Variants in FBXL7 observed in about 807,000 individuals in gnomAD.
FBXL7 encodes the protein F-box/LRR-repeat protein 7.
FBXL7 carries 12 observed loss-of-function variants against 38.3 expected under a neutral mutation model. That is an observed-to-expected ratio of 0.31 (90% CI 0.20 to 0.51). The LOEUF is 0.51. Among genes scored for constraint, FBXL7 ranks in the 20% least tolerant of loss-of-function variants. The pLI is 0.98. For synonymous variants in FBXL7, 297 were observed against 300.9 expected, an observed-to-expected ratio of 0.99 and a Z score of 0.13; for missense variants, 567 against 676.4, an observed-to-expected ratio of 0.84 and a Z score of 1.79.
rs1005171939 is a variant in FBXL7 at position 15,706,968 on chromosome 5, A to C, written c.127+90896A>C. Among the ~76,000 whole-genome samples the C allele has an allele frequency of 1.5e-3, 222 of 151,964 alleles. 1 individual carries two copies. Among genetic ancestry groups the C allele is most frequent in the Non-Finnish European group, 1.9e-4 (13 of 67,992 alleles). ...GAAAAGGGCCTAACTAATGATATGAAAGTCTCCAGTATGTTGATGGACAGC... is the reference window on the plus strand; with the variant it reads ...GAAAAGGGCCTAACTAATGATATGACAGTCTCCAGTATGTTGATGGACAGC... On this transcript the variant is annotated intron_variant, in intron 2 of 3. Transcript: ENST00000504595.
chr5:15,868,933 C>T lies in FBXL7; in HGVS notation c.128-58957C>T, dbSNP rs1281467660. ...AACTATCGCTGTGTAACAAATCACC[C>T]CAAAACTAAGGGACTTCAAACAATA... On this transcript the variant is annotated intron_variant, in intron 2 of 3. Coordinates refer to ENST00000504595, the MANE Select transcript of FBXL7 (RefSeq NM_012304.5). Among the ~76,000 whole-genome samples the T allele has an allele frequency of 7.2e-5, 11 of 152,222 alleles. No homozygotes were observed. The South Asian group carries it at 1.7e-3, about 23-fold the overall frequency.
intron 1 of FBXL7, among the ~76,000 whole-genome samples, chr5:15,521,331 A>G (rs1737091249): frequency 6.6e-6 from 1 of 152,252 alleles, no homozygotes; most frequent in Non-Finnish European, 1.5e-5. Flanking sequence ...TGATCTTAGA[A>G]GCATGACTGG....
chr5:15,894,449 T>C (rs955618684), intron 2 of FBXL7, among the ~76,000 whole-genome samples: 5 of 152,250 alleles, frequency 3.3e-5, no homozygotes, highest in Non-Finnish European at 5.9e-5. Context: ...ATGAGACTTA[T>C]CTAACCAAAT....
intron 1 of FBXL7, among the ~76,000 whole-genome samples, chr5:15,598,300 T>A (rs1345143923): frequency 6.6e-6 from 1 of 152,172 alleles, no homozygotes; most frequent in Non-Finnish European, 1.5e-5. Flanking sequence ...AACATTACAA[T>A]CCATCACTCT....
intron 2 of FBXL7, among the ~76,000 whole-genome samples, chr5:15,803,478 A>G (rs1325089012): frequency 6.6e-6 from 1 of 152,200 alleles, no homozygotes; most frequent in African/African-American, 2.4e-5. Flanking sequence ...GATTGAAATT[A>G]CATATTATGC....
chr5:15,549,001 T>C (rs1028271410), intron 1 of FBXL7, among the ~76,000 whole-genome samples: 1 of 152,184 alleles, frequency 6.6e-6, no homozygotes. Flanking sequence ...GGTAAAGATC[T>C]TGCCAGGTCA....
At chr5:15,594,330 GA>G (rs1739558862) in intron 1 of FBXL7, among the ~76,000 whole-genome samples, 1 of 152,218 alleles carries the variant, frequency 6.6e-6, no homozygotes, top group East Asian at 1.9e-4. Context: ...CATTTGAAAA[GA>G]AAACAGTTGA....
chr5:15,580,529 C>G (rs545796202), intron 1 of FBXL7: 1 of 685,392 alleles, frequency 1.5e-6, no homozygotes, highest in African/African-American at 1.9e-5. Context: ...GTTTTAGTCT[C>G]TGTTCCTGGA....
intron 1 of FBXL7, among the ~76,000 whole-genome samples, chr5:15,556,217 A>G (rs1316044688): frequency 6.6e-6 from 1 of 151,972 alleles, no homozygotes; most frequent in Non-Finnish European, 1.5e-5. Flanking sequence ...TGGGAGTTGG[A>G]GGCCCCGGAA....
At chr5:15,712,574 T>G (rs1003957842) in intron 2 of FBXL7, among the ~76,000 whole-genome samples, 1 of 152,100 alleles carries the variant, frequency 6.6e-6, no homozygotes, top group Non-Finnish European at 1.5e-5. Context: ...GTGATACATG[T>G]TTTTCTTAGT....
At chr5:15,775,895 C>T (rs1337313349) in intron 2 of FBXL7, among the ~76,000 whole-genome samples, 1 of 152,092 alleles carries the variant, frequency 6.6e-6, no homozygotes, top group Non-Finnish European at 1.5e-5. Context: ...GCTTCTGGAC[C>T]TACAGGTACA....
chr5:15,607,736 A>C (rs1740078397), intron 1 of FBXL7, among the ~76,000 whole-genome samples: 1 of 152,246 alleles, frequency 6.6e-6, no homozygotes, highest in Non-Finnish European at 1.5e-5. Flanking sequence ...GACCAAAATT[A>C]TCGATCCACT....
intron 1 of FBXL7, among the ~76,000 whole-genome samples, chr5:15,568,438 G>GT (rs1169278580): frequency 1.0e-3 from 154 of 150,898 alleles, no homozygotes; most frequent in Admixed American, 2.6e-3. Flanking sequence ...TTTTGATGGG[G>GT]TTTTTTTTTC....
intron 2 of FBXL7, among the ~76,000 whole-genome samples, chr5:15,835,777 A>G (rs1195532095): frequency 3.9e-5 from 6 of 152,148 alleles, no homozygotes; most frequent in Admixed American, 3.3e-4. Flanking sequence ...GACAAAAATC[A>G]TCTTCATGTG....
intron 2 of FBXL7, among the ~76,000 whole-genome samples, chr5:15,620,554 A>C (rs1256506511): frequency 6.6e-6 from 1 of 151,788 alleles, no homozygotes; most frequent in Non-Finnish European, 1.5e-5. Context: ...CTGGCCCACA[A>C]ACTATTCTTT....
intron 2 of FBXL7, among the ~76,000 whole-genome samples, chr5:15,755,033 T>C (rs1736254707): frequency 6.6e-6 from 1 of 152,196 alleles, no homozygotes; most frequent in Non-Finnish European, 1.5e-5. Flanking sequence ...GGGGAATGGC[T>C]TGAGTTTATT....
intron 2 of FBXL7, among the ~76,000 whole-genome samples, chr5:15,865,418 G>A (rs1739664488): frequency 6.6e-6 from 1 of 152,192 alleles, no homozygotes; most frequent in Admixed American, 6.5e-5. Context: ...TTTAAAGAGA[G>A]AAAGATTTGA....
At chr5:15,812,781 T>TTTG (rs1737902156) in intron 2 of FBXL7, among the ~76,000 whole-genome samples, 1 of 152,178 alleles carries the variant, frequency 6.6e-6, no homozygotes, top group Non-Finnish European at 1.5e-5. Context: ...TGTTTTTCCA[T>TTTG]TTGTTTGTGT....
intron 2 of FBXL7, among the ~76,000 whole-genome samples, chr5:15,869,986 T>C (rs558789926): frequency 6.6e-6 from 1 of 152,226 alleles, no homozygotes; most frequent in South Asian, 2.1e-4. Flanking sequence ...GGCACACTCC[T>C]GTAGTATCAG....
Sources: allele counts gnomAD v4.1 joint callset (sites outside exome capture counted in the v4.1 genomes callset), GRCh38; gene constraint gnomAD v4.1.1; transcripts MANE v1.5; gene names NCBI Gene and HGNC (gene_info 2026-07-23, HGNC 2026-07-21).